MAP2K5: variants seen among roughly 807,000 people sequenced by gnomAD.
MAP2K5 encodes dual specificity mitogen-activated protein kinase kinase 5.
In MAP2K5, 49 loss-of-function variants were observed where a neutral mutation model predicts 83.1. The observed-to-expected ratio is 0.59, with a 90% CI of 0.47 to 0.75. MAP2K5 has a LOEUF of 0.75. MAP2K5 is among the 30% of genes least tolerant of loss of function. MAP2K5 has a pLI of 0.00. For synonymous variants in MAP2K5, 202 were observed against 191.8 expected, an observed-to-expected ratio of 1.05 and a Z score of -0.44; for missense variants, 457 against 557.5, an observed-to-expected ratio of 0.82 and a Z score of 1.82.
intron 19 of MAP2K5, among the ~76,000 whole-genome samples, chr15:67,754,317 T>A (rs1334060202): frequency 2.0e-5 from 3 of 152,236 alleles, no homozygotes; most frequent in Admixed American, 6.5e-5. Flanking sequence ...TGATGGCCTG[T>A]GTTTAGTTGC....
At chr15:67,567,574 C>T (rs1285994382) in intron 3 of MAP2K5, among the ~76,000 whole-genome samples, 2 of 151,846 alleles carry the variant, frequency 1.3e-5, no homozygotes, top group African/African-American at 2.4e-5. Flanking sequence ...CCTTGTTAGC[C>T]GGGATGGTCT....
chr15:67,625,411 C>T (rs1003751639), intron 8 of MAP2K5, among the ~76,000 whole-genome samples: 7 of 152,196 alleles, frequency 4.6e-5, no homozygotes, highest in African/African-American at 1.7e-4. Flanking sequence ...AAAATGCTTC[C>T]TCCATGCAGT....
chr15:67,716,372 A>G (rs924470870), intron 16 of MAP2K5, among the ~76,000 whole-genome samples: 1 of 152,114 alleles, frequency 6.6e-6, no homozygotes, highest in African/African-American at 2.4e-5. Context: ...AAACAGGATG[A>G]TATGCTAGGA....
chr15:67,741,265 G>C (rs2089486167), intron 17 of MAP2K5, among the ~76,000 whole-genome samples: 1 of 152,142 alleles, frequency 6.6e-6, no homozygotes, highest in Non-Finnish European at 1.5e-5. Flanking sequence ...TCATGTCCAG[G>C]TAACAGAAAA....
At chr15:67,706,391 A>G (rs2088554705) in intron 16 of MAP2K5, among the ~76,000 whole-genome samples, 1 of 152,180 alleles carries the variant, frequency 6.6e-6, no homozygotes, top group East Asian at 1.9e-4. Context: ...GAACTCTGTG[A>G]AAAAGTGTCA....
At chr15:67,600,381 T>G (rs993701743) in intron 7 of MAP2K5, among the ~76,000 whole-genome samples, 3 of 152,218 alleles carry the variant, frequency 2.0e-5, no homozygotes, top group Admixed American at 6.5e-5. Context: ...CTGGAGACTG[T>G]TTTCTTATCA....
chr15:67,568,055 A>G (rs1215210199), intron 3 of MAP2K5, among the ~76,000 whole-genome samples: 1 of 152,282 alleles, frequency 6.6e-6, no homozygotes, highest in South Asian at 2.1e-4. Context: ...GGTTCTCTTA[A>G]TATTGAGAGG....
chr15:67,572,028 G>T lies in MAP2K5; in HGVS notation c.252+8678G>T, dbSNP rs1183036871. 6.6e-6 allele frequency among the ~76,000 whole-genome samples: 1 copy of T among 152,174 alleles called. No individual in the cohort carries two copies. The highest frequency in any genetic ancestry group is 1.5e-5 in the Non-Finnish European group (1 of 68,026). ...ATAATTACCAAGCGGAGTGATAAAT[G>T]ATATAATACACCTAAGCATTAGGTG... is the stretch of plus-strand genomic sequence containing the variant. On this transcript the variant is annotated intron_variant, in intron 3 of 21. Coordinates refer to ENST00000178640, the MANE Select transcript of MAP2K5 (RefSeq NM_145160.3). The surrounding 1 kb of genome is among the most constrained non-coding windows in gnomAD (Gnocchi z 4.2).
At chr15:67,688,602 A>C (rs1350827559) in intron 13 of MAP2K5, among the ~76,000 whole-genome samples, 2 of 152,240 alleles carry the variant, frequency 1.3e-5, no homozygotes, top group African/African-American at 4.8e-5. Flanking sequence ...ATAATGAAAT[A>C]TACAACTTTT....
In MAP2K5 at chr15:67,783,634, C is replaced by A. The variant is rs1159756626; in HGVS notation, c.1242+10882C>A. The stretch of plus-strand genomic sequence containing the variant: ...ACAGTCAATAAAAGAGACCACAACC[C>A]CTCGAGGAAGAGATCATGTCTTATC... On this transcript the variant is annotated intron_variant, in intron 21 of 21. Transcript: ENST00000178640. This position sits in a 1 kb window ranked among gnomAD's most constrained non-coding sequence, Gnocchi z 5.1. Among the ~76,000 whole-genome samples, 1 of 152,170 alleles carries A rather than the reference C, an allele frequency of 6.6e-6. No homozygotes were observed. Among genetic ancestry groups the A allele is most frequent in the African/African-American group, 2.4e-5 (1 of 41,430 alleles).
intron 21 of MAP2K5, among the ~76,000 whole-genome samples, chr15:67,773,390 G>A (rs977654470): frequency 1.3e-5 from 2 of 152,142 alleles, no homozygotes; most frequent in Admixed American, 6.5e-5. Context: ...TTAGAATAAC[G>A]TTAGGATCGA....
intron 8 of MAP2K5, among the ~76,000 whole-genome samples, chr15:67,606,831 C>T (rs536670587): frequency 2.0e-5 from 3 of 152,146 alleles, no homozygotes; most frequent in South Asian, 4.1e-4. Flanking sequence ...ATTTAGTAAA[C>T]AGAATATTTC....
chr15:67,664,710 G>A, intron 13 of MAP2K5, 65 bp downstream of exon 13: 1 of 1,009,620 alleles, frequency 9.9e-7, no homozygotes, highest in Non-Finnish European at 1.5e-6. Context: ...CAGATACCTT[G>A]ATTTTTAAAG....
At position 67,725,560 on chromosome 15, in the gene MAP2K5, A is replaced by T. The variant is rs537497110; in HGVS notation, c.1045-2356A>T. Among the ~76,000 whole-genome samples the T allele has an allele frequency of 1.1e-4, 16 of 152,346 alleles. No homozygotes were observed. In the East Asian group the frequency reaches 2.9e-3, roughly 28 times the overall value. ...GAATTATTCCATGGTCCCTGATGAC[A>T]TGCTGAGCATATACCCAAGTGAATG... On this transcript the variant is annotated intron_variant, in intron 16 of 21. Coordinates refer to ENST00000178640, the MANE Select transcript of MAP2K5 (RefSeq NM_145160.3).
intron 17 of MAP2K5, among the ~76,000 whole-genome samples, chr15:67,740,793 T>C (rs2089473531): frequency 6.6e-6 from 1 of 152,130 alleles, no homozygotes; most frequent in South Asian, 2.1e-4. Flanking sequence ...TTTGGGAGGC[T>C]GAGACAGGCA....
chr15:67,650,975 A>T (rs1353789900), intron 11 of MAP2K5, among the ~76,000 whole-genome samples: 1 of 152,158 alleles, frequency 6.6e-6, no homozygotes, highest in Non-Finnish European at 1.5e-5. Context: ...AGCATTTTGG[A>T]AGGCCAAGGC....
rs1347641918 is a variant in MAP2K5 at position 67,702,951 on chromosome 15, G to A, written c.973-386G>A. On this transcript the variant is annotated intron_variant, in intron 15 of 21. Transcript: ENST00000178640. This position sits in a 1 kb window ranked among gnomAD's most constrained non-coding sequence, Gnocchi z 4.6. ...AAGTGATAATATCATATAATGTTGT[G>A]TAATTTGTTACTCCACAACAAAGAC... Among the ~76,000 whole-genome samples, 2 of 152,154 alleles carry A rather than the reference G, an allele frequency of 1.3e-5. No individual in the cohort carries two copies.
At chr15:67,688,773 A>G (rs1389077092) in intron 13 of MAP2K5, among the ~76,000 whole-genome samples, 3 of 152,158 alleles carry the variant, frequency 2.0e-5, no homozygotes, top group African/African-American at 7.2e-5. Context: ...CTAAAACATC[A>G]CATGCCAAGG....
intron 9 of MAP2K5, among the ~76,000 whole-genome samples, chr15:67,632,346 T>C (rs1469495369): frequency 6.6e-6 from 1 of 152,190 alleles, no homozygotes; most frequent in African/African-American, 2.4e-5. Context: ...GCGATCCTCC[T>C]GTCTCAGCCA....
Sources: allele counts gnomAD v4.1 joint callset (sites outside exome capture counted in the v4.1 genomes callset), GRCh38; gene constraint gnomAD v4.1.1; non-coding constraint Gnocchi (gnomAD v3.1); transcripts MANE v1.5; gene names NCBI Gene and HGNC (gene_info 2026-07-23, HGNC 2026-07-21).